Variants in ADAMTS18 observed in about 807,000 individuals in gnomAD.
ADAMTS18 encodes ADAM metallopeptidase with thrombospondin type 1 motif 18.
In ADAMTS18, 157 loss-of-function variants were observed where a neutral mutation model predicts 165.9. That is an observed-to-expected ratio of 0.95 (90% CI 0.83 to 1.08). The LOEUF is 1.08. ADAMTS18 is among the 50% of genes least tolerant of loss of function. ADAMTS18 has a pLI of 0.00. For missense variants in ADAMTS18, 2,040 were observed against 1,534.0 expected, an observed-to-expected ratio of 1.33 and a Z score of -5.51; for synonymous variants, 782 against 578.2, an observed-to-expected ratio of 1.35 and a Z score of -5.06.
intron 3 of ADAMTS18, among the ~76,000 whole-genome samples, chr16:77,415,334 G>C (rs1310378184): frequency 6.6e-6 from 1 of 152,152 alleles, no homozygotes; most frequent in Non-Finnish European, 1.5e-5. Flanking sequence ...TGTCAGAAAT[G>C]AAAGTTAAAC....
At chr16:77,296,688 C>T (rs180971398) in intron 18 of ADAMTS18, among the ~76,000 whole-genome samples, 19 of 152,214 alleles carry the variant, frequency 1.2e-4, no homozygotes, top group African/African-American at 3.4e-4. Context: ...GGTGTGGTGA[C>T]GTGCACCTGT....
chr16:77,345,711 C>G (rs1409412955), intron 10 of ADAMTS18, among the ~76,000 whole-genome samples: 1 of 152,214 alleles, frequency 6.6e-6, no homozygotes, highest in East Asian at 1.9e-4. Flanking sequence ...ACACTGGTCA[C>G]ATTTCAGGTT....
At chr16:77,331,925 T>G (rs549923264) in intron 12 of ADAMTS18, among the ~76,000 whole-genome samples, 3 of 152,352 alleles carry the variant, frequency 2.0e-5, no homozygotes, top group Admixed American at 1.3e-4. Flanking sequence ...GACTGCTGAC[T>G]CAAATGAAGT....
At chr16:77,334,509 T>C (rs2056256879) in intron 12 of ADAMTS18, among the ~76,000 whole-genome samples, 2 of 112,418 alleles carry the variant, frequency 1.8e-5, no homozygotes, top group African/African-American at 7.4e-5. Flanking sequence ...TACTGTATAT[T>C]ATAGTATATA....
At chr16:77,311,334 A>G (rs568435114) in intron 16 of ADAMTS18, among the ~76,000 whole-genome samples, 96 of 152,308 alleles carry the variant, frequency 6.3e-4, no homozygotes, top group Middle Eastern at 3.4e-3. Context: ...TATAAAATAG[A>G]TTTAATATTT....
chr16:77,302,122 T>C (rs1279206325), intron 16 of ADAMTS18, among the ~76,000 whole-genome samples: 2 of 152,134 alleles, frequency 1.3e-5, no homozygotes, highest in East Asian at 3.9e-4. Flanking sequence ...GCTTTCCTTA[T>C]TTCCACAGTA....
chr16:77,407,959 T>C (rs11641029), intron 3 of ADAMTS18, among the ~76,000 whole-genome samples: 3 of 151,894 alleles, frequency 2.0e-5, no homozygotes, highest in Non-Finnish European at 2.9e-5. Flanking sequence ...TAAAAAGCCA[T>C]TAAAAGGATA....
rs2055398785 is a variant in ADAMTS18, at chr16:77,293,159, T to C, written c.3106A>G (p.Arg1036Gly). The C allele has an allele frequency of 1.2e-6, 2 of 1,613,876 alleles. No individual in the cohort carries two copies. Among genetic ancestry groups the C allele is most frequent in the East Asian group, 2.2e-5 (1 of 44,864 alleles). ...ACACAGCCCTCCTGCAGCTCAGGTC[T>C]GGGGAGACTGGTACACTGGCTCTCG... ...LPESQCTSLP[R>G]PELQEGCVLG... Residue 1036 changes from arginine (R) to glycine (G), a missense_variant, in exon 20 of 23, where the codon AGA (arginine) becomes GGA (glycine). Arg to Gly is a moderately radical substitution (Grantham distance 125). Transcript: ENST00000282849.
chr16:77,341,192 G>A (rs758510255), intron 11 of ADAMTS18, among the ~76,000 whole-genome samples: 5 of 152,158 alleles, frequency 3.3e-5, no homozygotes, highest in Admixed American at 6.5e-5. Context: ...ATGCTCACCA[G>A]CAAAAGGACC....
rs1290478030 is a variant in ADAMTS18 at position 77,353,898 on chromosome 16, A to G, written c.1461-12T>C. 1.2e-6 allele frequency: 2 copies of G among 1,614,016 alleles called. No individual in the cohort carries two copies. Among genetic ancestry groups the G allele is most frequent in the South Asian group, 1.1e-5 (1 of 91,092 alleles). Reference sequence around the variant, plus strand: ...CCGCCTGAGGTGTGCTGTAATGACAATACATGCTTATTAATTACTCTGTTG... The same window carrying G: ...CCGCCTGAGGTGTGCTGTAATGACAGTACATGCTTATTAATTACTCTGTTG... On this transcript the variant is annotated splice_polypyrimidine_tract_variant and intron_variant, in intron 9 of 22. Coordinates refer to ENST00000282849, the MANE Select transcript of ADAMTS18 (RefSeq NM_199355.4).
chr16:77,332,365 G>A (rs983919596), intron 12 of ADAMTS18, among the ~76,000 whole-genome samples: 4 of 152,062 alleles, frequency 2.6e-5, no homozygotes, highest in African/African-American at 7.2e-5. Context: ...CTGTGACCCC[G>A]TCCTCCTGGT....
intron 22 of ADAMTS18, among the ~76,000 whole-genome samples, chr16:77,286,895 A>G (rs2055263895): frequency 6.6e-6 from 1 of 152,138 alleles, no homozygotes; most frequent in African/African-American, 2.4e-5. Flanking sequence ...GTACAGTGCA[A>G]CCATAAGGAT....
At chr16:77,417,294 G>T (rs947075763) in intron 3 of ADAMTS18, among the ~76,000 whole-genome samples, 5 of 152,098 alleles carry the variant, frequency 3.3e-5, no homozygotes, top group African/African-American at 1.2e-4. Context: ...GGGTGAGTGG[G>T]TGTGTGGGTG....
At chr16:77,410,526 C>T (rs995781343) in intron 3 of ADAMTS18, among the ~76,000 whole-genome samples, 4 of 152,120 alleles carry the variant, frequency 2.6e-5, no homozygotes, top group Non-Finnish European at 4.4e-5. Flanking sequence ...AGTTTGAGAA[C>T]TGCATCCCTA....
At chr16:77,303,765 G>T (rs1454594415) in intron 16 of ADAMTS18, among the ~76,000 whole-genome samples, 3 of 152,212 alleles carry the variant, frequency 2.0e-5, no homozygotes, top group African/African-American at 7.2e-5. Context: ...CGGACGCGGG[G>T]GCTCGCGCCT....
rs139644893 is a variant in ADAMTS18 at position 77,293,125 on chromosome 16, C to G, written c.3140G>C (p.Arg1047Pro). 4.4e-5 allele frequency: 71 copies of G among 1,613,920 alleles called. No homozygotes were observed. The African/African-American group carries it at 9.2e-4, about 21-fold the overall frequency. The change falls in exon 20 of 23, where the codon CGA (arginine) becomes CCA (proline). Residue 1047 changes from arginine to proline, a missense_variant. Physicochemically the swap from Arg to Pro is moderately radical, Grantham distance 103 (BLOSUM62 -2). Transcript: ENST00000282849. ...CTGTAGCCGGCTGTTCTTGGGGCAT[C>G]GTCCAAGCACACAGCCCTCCTGCAG... ...PELQEGCVLG[R>P]CPKNSRLQWV... is the part of the protein sequence containing the mutation.
intron 7 of ADAMTS18, among the ~76,000 whole-genome samples, chr16:77,361,712 C>G (rs1269432054): frequency 6.6e-6 from 1 of 152,010 alleles, no homozygotes; most frequent in Non-Finnish European, 1.5e-5. Context: ...GGTGGAAACC[C>G]GTCTCTACTA....
chr16:77,375,312 G>A (rs1294343945), intron 3 of ADAMTS18, among the ~76,000 whole-genome samples: 1 of 152,042 alleles, frequency 6.6e-6, no homozygotes, highest in Non-Finnish European at 1.5e-5. Context: ...ATGAAAACCC[G>A]TCTTTACCAA....
rs543577432 is a variant in ADAMTS18 at position 77,393,648 on chromosome 16, G to A, written c.496-25925C>T. 2.6e-5 allele frequency among the ~76,000 whole-genome samples: 4 copies of A among 152,296 alleles called. No homozygotes were observed. The South Asian group carries it at 6.2e-4, about 24-fold the overall frequency. On this transcript the variant is annotated intron_variant, in intron 3 of 22. Transcript: ENST00000282849. ...CAAGAAGGTGACAATCTATAACCCA[G>A]AAGAGGGCCCTCTCCAGAACTGGAC... is the stretch of plus-strand genomic sequence containing the variant.
Sources: gnomAD v4.1 joint callset for allele counts (sites outside exome capture counted in the v4.1 genomes callset) on GRCh38, gnomAD v4.1.1 for gene constraint, MANE v1.5 for transcripts, NCBI Gene and HGNC (gene_info 2026-07-23, HGNC 2026-07-21) for gene names.